CSMD3: variants seen among roughly 807,000 people sequenced by gnomAD.
CSMD3 encodes CUB and sushi domain-containing protein 3.
In CSMD3, 177 loss-of-function variants were observed where a neutral mutation model predicts 435.2. That is an observed-to-expected ratio of 0.41 (90% CI 0.36 to 0.46). The LOEUF (loss-of-function observed/expected upper bound fraction) is 0.46, where lower values mean the gene tolerates loss of function less well. Among genes scored for constraint, CSMD3 ranks in the 20% least tolerant of loss-of-function variants. CSMD3 has a pLI of 0.34. For synonymous variants in CSMD3, 1,656 were observed against 1,520.5 expected (o/e 1.09, Z -2.07); for missense variants, 4,265 against 4,504.6 (o/e 0.95, Z 1.52).
chr8:113,364,426 T>G (rs1224045850), intron 1 of CSMD3, among the ~76,000 whole-genome samples: 1 of 151,914 alleles, frequency 6.6e-6, no homozygotes. Context: ...AGAAAAAAAA[T>G]TTGAATGTGG....
At chr8:113,186,669 G>A (rs572446083) in intron 3 of CSMD3, among the ~76,000 whole-genome samples, 2 of 152,028 alleles carry the variant, frequency 1.3e-5, no homozygotes, top group Non-Finnish European at 1.5e-5. Context: ...GGAACTCTTC[G>A]GGGCACTGCT....
At chr8:112,320,110 C>A in intron 45 of CSMD3, 129 bp from the exon 46 acceptor site, 1 of 655,126 alleles carries the variant, frequency 1.5e-6, no homozygotes, top group South Asian at 1.7e-5. Flanking sequence ...TATCAAGTGT[C>A]AATTACATCT....
chr8:112,820,267 C>T (rs1331244813), intron 12 of CSMD3, among the ~76,000 whole-genome samples: 3 of 151,934 alleles, frequency 2.0e-5, no homozygotes, highest in African/African-American at 7.3e-5. Context: ...GGATTAAACC[C>T]TATGAGAAGT....
intron 3 of CSMD3, among the ~76,000 whole-genome samples, chr8:113,223,099 C>G (rs558763899): frequency 6.6e-6 from 1 of 150,452 alleles, no homozygotes; most frequent in African/African-American, 2.4e-5. Context: ...CTTTACTAAA[C>G]AGGTCATTTT....
At chr8:112,983,155 G>A (rs1345450020) in intron 6 of CSMD3, among the ~76,000 whole-genome samples, 1 of 151,830 alleles carries the variant, frequency 6.6e-6, no homozygotes, top group Non-Finnish European at 1.5e-5. Context: ...AAGAAAATTT[G>A]TGGGTGGGGT....
chr8:113,010,316 G>A (rs1206217243), intron 6 of CSMD3, among the ~76,000 whole-genome samples: 1 of 151,748 alleles, frequency 6.6e-6, no homozygotes, highest in Admixed American at 6.6e-5. Flanking sequence ...GAAAAGGGAA[G>A]GAGGAAGTGA....
At chr8:112,747,426 C>T (rs2077458418) in intron 13 of CSMD3, among the ~76,000 whole-genome samples, 1 of 151,726 alleles carries the variant, frequency 6.6e-6, no homozygotes, top group Non-Finnish European at 1.5e-5. Flanking sequence ...TAAATATGGA[C>T]AGATGAAAGT....
chr8:112,876,568 C>G (rs770497379), intron 10 of CSMD3, among the ~76,000 whole-genome samples: 8 of 152,200 alleles, frequency 5.3e-5, no homozygotes, highest in Non-Finnish European at 1.0e-4. Flanking sequence ...ATAAAGAGAA[C>G]TAATGACAAA....
intron 31 of CSMD3, among the ~76,000 whole-genome samples, chr8:112,482,704 A>G (rs749527207): frequency 7.9e-5 from 12 of 152,218 alleles, no homozygotes; most frequent in Non-Finnish European, 1.5e-4. Context: ...TTACTATTTA[A>G]AGAAATTACT....
intron 50 of CSMD3, among the ~76,000 whole-genome samples, chr8:112,307,361 G>A (rs960340998): frequency 6.6e-6 from 1 of 151,988 alleles, no homozygotes; most frequent in African/African-American, 2.4e-5. Context: ...GCTCACTGCA[G>A]CCTCTACCTC....
chr8:112,653,006 G>T (rs113834982), intron 18 of CSMD3, among the ~76,000 whole-genome samples: 13 of 152,088 alleles, frequency 8.5e-5, no homozygotes, highest in African/African-American at 2.9e-4. Context: ...TAGTAGAGAC[G>T]TGGTTTCACC....
chr8:113,334,068 G>A (rs867329810), intron 1 of CSMD3, among the ~76,000 whole-genome samples: 2 of 151,732 alleles, frequency 1.3e-5, no homozygotes, highest in African/African-American at 4.8e-5. Flanking sequence ...CATGTTCACT[G>A]CTACTATACA....
chr8:113,174,260 T>C (rs987599283), intron 3 of CSMD3, among the ~76,000 whole-genome samples: 1 of 152,160 alleles, frequency 6.6e-6, no homozygotes, highest in African/African-American at 2.4e-5. Context: ...AATAACATAG[T>C]AATAAGCAAA....
In CSMD3 at chr8:113,220,022, G is replaced by A. The variant is rs117032886; in HGVS notation, c.515-46106C>T. 9.6e-4 allele frequency among the ~76,000 whole-genome samples: 145 copies of A among 151,554 alleles called. 1 individual carries two copies. Among genetic ancestry groups the A allele is most frequent in the Non-Finnish European group, 1.1e-3 (77 of 67,626 alleles). ...AATAGCCTTAAACACGTGAAAAGAT[G>A]TTTCATTTTGCTCATGGTAATAGAC... On this transcript the variant is annotated intron_variant, in intron 3 of 70. Transcript: ENST00000297405.
chr8:113,406,270 A>G (rs1369587462), intron 1 of CSMD3, among the ~76,000 whole-genome samples: 1 of 151,896 alleles, frequency 6.6e-6, no homozygotes, highest in Non-Finnish European at 1.5e-5. Flanking sequence ...ACCCTGGATC[A>G]TGGATAATAG....
At chr8:113,193,186 C>A (rs561078453) in intron 3 of CSMD3, among the ~76,000 whole-genome samples, 1 of 150,938 alleles carries the variant, frequency 6.6e-6, no homozygotes, top group African/African-American at 2.4e-5. Flanking sequence ...ATCTCGTATT[C>A]GTATTGTGCC....
At chr8:113,377,085 G>A (rs915157767) in intron 1 of CSMD3, 7 of 1,296,402 alleles carry the variant, frequency 5.4e-6, no homozygotes, top group Admixed American at 5.7e-5. Context: ...TTCGCCAGCT[G>A]GCGCTGGACT....
At chr8:112,778,679 TTCA>T (rs2078305370) in intron 13 of CSMD3, among the ~76,000 whole-genome samples, 1 of 151,930 alleles carries the variant, frequency 6.6e-6, no homozygotes, top group African/African-American at 2.4e-5. Flanking sequence ...AAGTTTTGAG[TTCA>T]TTTGCGTAAA....
intron 52 of CSMD3, 85 bp from the exon 53 acceptor site, chr8:112,302,051 T>G: frequency 2.2e-6 from 2 of 914,014 alleles, no homozygotes; most frequent in South Asian, 2.8e-5. Flanking sequence ...CATTTTGAGC[T>G]TCCTATGATT....
Sources: allele counts gnomAD v4.1 joint callset (sites outside exome capture counted in the v4.1 genomes callset), GRCh38; gene constraint gnomAD v4.1.1; transcripts MANE v1.5; gene names NCBI Gene and HGNC (gene_info 2026-07-23, HGNC 2026-07-21).